PRKDC: variants seen among roughly 807,000 people sequenced by gnomAD.
The protein encoded by PRKDC is DNA-dependent protein kinase catalytic subunit.
A neutral mutation model predicts 486.9 loss-of-function variants in PRKDC; 82 were observed. The observed-to-expected ratio is 0.17, with a 90% CI of 0.14 to 0.20. PRKDC has a LOEUF of 0.20. Among genes scored for constraint, PRKDC ranks in the 10% least tolerant of loss-of-function variants. PRKDC has a pLI of 1.00. For synonymous variants in PRKDC, 1,895 were observed against 1,837.0 expected, an observed-to-expected ratio of 1.03 and a Z score of -0.81; for missense variants, 4,504 against 5,038.2, an observed-to-expected ratio of 0.89 and a Z score of 3.21.
Position 47,929,170 on chromosome 8 carries a change from A to G in PRKDC, c.2061T>C (p.Ser687=), listed in dbSNP as rs762835140. 6.4e-7 allele frequency: 1 copy of G among 1,569,218 alleles called. No homozygotes were observed. The highest frequency in any genetic ancestry group is 1.2e-5 in the South Asian group (1 of 85,412). Residue 687 remains serine, a synonymous_variant, in exon 19 of 86, where the codon AGT becomes AGC. Coordinates refer to ENST00000314191, the MANE Select transcript of PRKDC (RefSeq NM_006904.7). The part of the protein sequence containing the change: ...AKKIKYFEGV[S]PKSLKHSPED... ...CAGGAGAGTGTTTCAGACTCTTTGG[A>G]CTAACTCCCTGTCAAATAAAACAGC... is the stretch of plus-strand genomic sequence containing the variant.
chr8:47,858,235 C>T lies in PRKDC; in HGVS notation c.6465+281G>A, dbSNP rs8178152. 2.0e-3 allele frequency among the ~76,000 whole-genome samples: 306 copies of T among 151,618 alleles called. 1 individual carries two copies. The highest frequency in any genetic ancestry group is 7.0e-3 in the African/African-American group (289 of 41,342). ...ACTATAAGGAAAGAACGTTGGCAGC[C>T]GTAAGAAAGCAGCTACATGTACTTT... On this transcript the variant is annotated intron_variant, in intron 48 of 85. Transcript: ENST00000314191.
chr8:47,842,771 T>A (rs1032132202), intron 54 of PRKDC, among the ~76,000 whole-genome samples: 1 of 152,202 alleles, frequency 6.6e-6, no homozygotes, highest in Non-Finnish European at 1.5e-5. Context: ...GAATTCAGAA[T>A]CCGGATGGCG....
intron 28 of PRKDC, 55 bp downstream of exon 28, chr8:47,900,318 A>G (rs76379865): frequency 7.6e-7 from 1 of 1,321,150 alleles, no homozygotes; most frequent in Non-Finnish European, 1.0e-6. Flanking sequence ...TTAACTCCTC[A>G]TTGGGGAAAC....
At chr8:47,915,217 A>C in intron 23 of PRKDC, 111 bp downstream of exon 23, 1 of 602,984 alleles carries the variant, frequency 1.7e-6, no homozygotes. Flanking sequence ...TTATTTAGAA[A>C]TATATAAATC....
chr8:47,820,710 T>C lies in PRKDC; in HGVS notation c.9336+9A>G, dbSNP rs1030864823. Reference sequence around the variant, plus strand: ...TATACAAGCATATATATATAATATATAGTATTACCTGCATAAAACTCTGAA... The same window carrying C: ...TATACAAGCATATATATATAATATACAGTATTACCTGCATAAAACTCTGAA... On this transcript the variant is annotated intron_variant, in intron 66 of 85. Coordinates refer to ENST00000314191, the MANE Select transcript of PRKDC (RefSeq NM_006904.7). The C allele has an allele frequency of 7.1e-7, 1 of 1,417,892 alleles. No individual in the cohort carries two copies. The highest frequency in any genetic ancestry group is 9.5e-7 in the Non-Finnish European group (1 of 1,047,448). 87.8% of individuals were successfully genotyped at this position (1,417,892 alleles called of 1,614,324 possible).
At chr8:47,877,693 G>A in intron 40 of PRKDC, 31 bp downstream of exon 40, 1 of 1,541,070 alleles carries the variant, frequency 6.5e-7, no homozygotes, top group Non-Finnish European at 8.8e-7. Context: ...AATGCGTATG[G>A]TTCCTGAGAT....
chr8:47,807,412 A>G (rs2087236773), intron 68 of PRKDC, 86 bp from the exon 69 acceptor site: 1 of 1,199,142 alleles, frequency 8.3e-7, no homozygotes, highest in South Asian at 1.8e-5. Context: ...TCTAAACCTT[A>G]GTAAATGTTT....
rs776101307 is a variant in PRKDC, at chr8:47,834,227, A to G, written c.8121T>C (p.Leu2707=). The G allele has an allele frequency of 3.1e-6, 5 of 1,614,028 alleles. 1 individual carries two copies. The South Asian group carries it at 4.4e-5, about 14-fold the overall frequency. The change falls in exon 59 of 86, where the codon CTT becomes CTC. Residue 2707 remains leucine (L), a synonymous_variant. Coordinates refer to ENST00000314191, the MANE Select transcript of PRKDC (RefSeq NM_006904.7). ...CTTTGTTATCCACCTCGTCCCCTGG[A>G]AGGCCCAGCCTTTTTTTCCCAAAAT... ...GPDFGKKRLG[L]PGDEVDNKVK...
chr8:47,867,729 A>G (rs2088850248), intron 40 of PRKDC, among the ~76,000 whole-genome samples: 2 of 152,240 alleles, frequency 1.3e-5, no homozygotes, highest in Admixed American at 6.5e-5. Context: ...AAAGAATAAG[A>G]AAAAAATTTT....
At chr8:47,858,196 C>CA (rs1340012365) in intron 48 of PRKDC, among the ~76,000 whole-genome samples, 4 of 148,360 alleles carry the variant, frequency 2.7e-5, no homozygotes, top group Non-Finnish European at 6.0e-5. Context: ...CCACCCCCCG[C>CA]TTTTTTTTTT....
intron 54 of PRKDC, among the ~76,000 whole-genome samples, chr8:47,848,122 C>T (rs1001713077): frequency 6.6e-6 from 1 of 152,190 alleles, no homozygotes; most frequent in African/African-American, 2.4e-5. Flanking sequence ...TTTGATCCAG[C>T]AATCCCATTA....
At chr8:47,908,285 T>A (rs1484852637) in intron 25 of PRKDC, among the ~76,000 whole-genome samples, 1 of 152,252 alleles carries the variant, frequency 6.6e-6, no homozygotes. Flanking sequence ...ATACATTCCA[T>A]CGGCCATTTA....
chr8:47,890,595 T>A (rs1422610545), intron 31 of PRKDC, 115 bp from the exon 32 acceptor site: 3 of 695,482 alleles, frequency 4.3e-6, no homozygotes, highest in African/African-American at 3.6e-5. Flanking sequence ...AAATTCAAAA[T>A]TTTTCAAAAG....
rs8178209 is a variant in PRKDC, at chr8:47,817,442, C to T, written c.9557+8G>A. ...ATCCACATTTGACTGAAAGGGACCACGTCTTACCGATTTGTGATGATGTCA... is the reference window on the plus strand; with the variant it reads ...ATCCACATTTGACTGAAAGGGACCATGTCTTACCGATTTGTGATGATGTCA... On this transcript the variant is annotated splice_region_variant and intron_variant, in intron 68 of 85. Coordinates refer to ENST00000314191, the MANE Select transcript of PRKDC (RefSeq NM_006904.7). The T allele has an allele frequency of 4.8e-4, 747 of 1,556,180 alleles. 4 individuals are homozygous for T. The African/African-American group carries it at 9.4e-3, about 20-fold the overall frequency.
At chr8:47,949,874 C>T (rs964136569) in intron 7 of PRKDC, among the ~76,000 whole-genome samples, 1 of 152,006 alleles carries the variant, frequency 6.6e-6, no homozygotes, top group African/African-American at 2.4e-5. Flanking sequence ...CTGCTGCCTA[C>T]ATAGGTTAAA....
At position 47,826,844 on chromosome 8, in the gene PRKDC, G is replaced by A. The variant is rs747273260; in HGVS notation, c.8595C>T (p.His2865=). The A allele has an allele frequency of 2.5e-6, 4 of 1,587,586 alleles. No individual in the cohort carries two copies. Among genetic ancestry groups the A allele is most frequent in the Admixed American group, 3.5e-5 (2 of 56,838 alleles). Residue 2865 remains histidine, a synonymous_variant, in exon 63 of 86, where the codon CAC becomes CAT. Coordinates refer to ENST00000314191, the MANE Select transcript of PRKDC (RefSeq NM_006904.7). ...VSCIQDISCQ[H]AALLSLDPAA... ...CTGGGTCGAGGCTCAGCAGGGCTGC[G>A]TGCTGACAGCTAATGTCCTGTGAAA... is the stretch of plus-strand genomic sequence containing the variant.
chr8:47,814,736 A>G (rs893314932), intron 68 of PRKDC, among the ~76,000 whole-genome samples: 1 of 152,244 alleles, frequency 6.6e-6, no homozygotes, highest in Non-Finnish European at 1.5e-5. Flanking sequence ...TTGTTAAGAT[A>G]GCAACTCCCC....
chr8:47,950,640 A>G (rs2090612717), intron 7 of PRKDC, among the ~76,000 whole-genome samples: 1 of 151,994 alleles, frequency 6.6e-6, no homozygotes, highest in Non-Finnish European at 1.5e-5. Context: ...AAAAAAAAAA[A>G]AAAGATTATT....
At chr8:47,798,996 A>G (rs2087039898) in intron 72 of PRKDC, among the ~76,000 whole-genome samples, 1 of 152,108 alleles carries the variant, frequency 6.6e-6, no homozygotes, top group African/African-American at 2.4e-5. Flanking sequence ...TTCTTAGTAG[A>G]GTTGGGGTTT....
Sources: allele counts gnomAD v4.1 joint callset (sites outside exome capture counted in the v4.1 genomes callset), GRCh38; gene constraint gnomAD v4.1.1; transcripts MANE v1.5; gene names NCBI Gene and HGNC (gene_info 2026-07-23, HGNC 2026-07-21).